The following TENM3 variants were observed in gnomAD, a reference collection of about 807,000 sequenced individuals.
TENM3 encodes teneurin-3.
TENM3 carries 63 observed loss-of-function variants against 255.1 expected under a neutral mutation model. The observed-to-expected ratio is 0.25, with a 90% CI of 0.20 to 0.30. The LOEUF (loss-of-function observed/expected upper bound fraction) is 0.30. Among genes scored for constraint, TENM3 ranks in the 10% least tolerant of loss-of-function variants. TENM3 has a pLI of 1.00. For missense variants in TENM3, 2,929 were observed against 3,461.1 expected, an observed-to-expected ratio of 0.85 and a Z score of 3.86; for synonymous variants, 1,306 against 1,322.3, an observed-to-expected ratio of 0.99 and a Z score of 0.27.
At chr4:181,616,367 AG>A in the TENM3 span, among the ~76,000 whole-genome samples, 3 of 139,528 alleles carry the variant, frequency 2.2e-5, no homozygotes, top group Non-Finnish European at 1.5e-5. Flanking sequence ...ATATATCAAT[AG>A]GATATATATA....
chr4:181,639,835 G>A, the TENM3 span, among the ~76,000 whole-genome samples: 1 of 152,100 alleles, frequency 6.6e-6, no homozygotes. Flanking sequence ...CTACTTCTCG[G>A]CCAAGGAGAT....
chr4:182,194,342 A>G (rs1753707129), intron 1 of TENM3, among the ~76,000 whole-genome samples: 1 of 152,188 alleles, frequency 6.6e-6, no homozygotes, highest in African/African-American at 2.4e-5. Context: ...GCTGATGTGT[A>G]CTGATGCACG....
chr4:182,081,351 C>T, the TENM3 span, among the ~76,000 whole-genome samples: 5 of 151,726 alleles, frequency 3.3e-5, no homozygotes, highest in Non-Finnish European at 7.4e-5. Flanking sequence ...TTTGGAAGGC[C>T]GAGGCGGGTG....
chr4:182,700,483 G>A lies in TENM3; in HGVS notation c.2221+12132G>A, dbSNP rs187768586. Among the ~76,000 whole-genome samples the A allele has an allele frequency of 1.0e-3, 153 of 152,244 alleles. 1 individual carries two copies. Among genetic ancestry groups the A allele is most frequent in the African/African-American group, 3.4e-3 (143 of 41,540 alleles). On this transcript the variant is annotated intron_variant, in intron 12 of 27. Transcript: ENST00000511685. ...GAAGCACAGCCTTCCAGCAGCCTTC[G>A]TATTTAACATATTCGCAGATTATGG... is the stretch of plus-strand genomic sequence containing the variant.
At chr4:181,809,078 C>T in the TENM3 span, among the ~76,000 whole-genome samples, 1 of 152,176 alleles carries the variant, frequency 6.6e-6, no homozygotes, top group Non-Finnish European at 1.5e-5. Flanking sequence ...AACATCTTGA[C>T]ATTTGAGTCT....
chr4:182,383,406 G>A (rs2150934147), intron 3 of TENM3, among the ~76,000 whole-genome samples: 1 of 152,268 alleles, frequency 6.6e-6, no homozygotes, highest in East Asian at 1.9e-4. Flanking sequence ...CCTGACTCAA[G>A]TGGAGTCAAG....
At chr4:182,523,133 T>C (rs780633036) in intron 3 of TENM3, among the ~76,000 whole-genome samples, 3 of 152,136 alleles carry the variant, frequency 2.0e-5, no homozygotes, top group Admixed American at 2.0e-4. Context: ...CATTTTTAAA[T>C]TGAATAATTT....
At chr4:181,557,588 G>T in the TENM3 span, among the ~76,000 whole-genome samples, 3 of 151,886 alleles carry the variant, frequency 2.0e-5, no homozygotes, top group Non-Finnish European at 2.9e-5. Context: ...GTGCAGTGAC[G>T]CAATCACAGC....
In TENM3 at chr4:182,570,119, A is replaced by G. The variant is rs922308361; in HGVS notation, c.512-30805A>G. On this transcript the variant is annotated intron_variant, in intron 3 of 27. Coordinates refer to ENST00000511685, the MANE Select transcript of TENM3 (RefSeq NM_001080477.4). ...GCTATTGCCGTAATCGAGGCAAAAG[A>G]TGATGAATGCCTGGACTCAGACAAT... Among the ~76,000 whole-genome samples the G allele has an allele frequency of 5.3e-5, 8 of 152,318 alleles. 1 individual carries two copies. In the South Asian group the frequency reaches 1.7e-3, roughly 32 times the overall value.
chr4:182,509,727 T>C (rs11132134), intron 3 of TENM3, among the ~76,000 whole-genome samples: 58,954 of 151,768 alleles, frequency 0.39, 11,688 homozygotes, highest in Admixed American at 0.43. Context: ...CACCTGAAGT[T>C]GGGAGTTCAA....
chr4:181,926,740 C>G, the TENM3 span, among the ~76,000 whole-genome samples: 4 of 151,746 alleles, frequency 2.6e-5, no homozygotes, highest in Non-Finnish European at 2.9e-5. Context: ...CAAATAGGAA[C>G]AGCTCCGGTC....
chr4:181,526,752 G>C, the TENM3 span, among the ~76,000 whole-genome samples: 12 of 152,144 alleles, frequency 7.9e-5, no homozygotes, highest in Non-Finnish European at 1.3e-4. Flanking sequence ...GACTATTAGA[G>C]AGAGAGCTGT....
the TENM3 span, chr4:182,085,060 C>T: frequency 4.6e-5 from 7 of 152,140 alleles, no homozygotes; most frequent in Non-Finnish European, 1.0e-4. Flanking sequence ...CATCTGAACG[C>T]TGTTTGCCAT....
chr4:182,731,928 A>C lies in TENM3; in HGVS notation c.2967+789A>C, dbSNP rs1049073935. ...TCCTGAGTAGCTGAGACTACAGGCG[A>C]CTGCCACCAAGCCAAGCTAATTTTT... is the stretch of plus-strand genomic sequence containing the variant. On this transcript the variant is annotated intron_variant, in intron 16 of 27. Transcript: ENST00000511685. 2.7e-4 allele frequency among the ~76,000 whole-genome samples: 41 copies of C among 151,748 alleles called. 1 individual carries two copies. The highest frequency in any genetic ancestry group is 4.6e-4 in the Admixed American group (7 of 15,244).
chr4:181,552,897 G>T, the TENM3 span, among the ~76,000 whole-genome samples: 3 of 152,166 alleles, frequency 2.0e-5, no homozygotes, highest in Admixed American at 2.0e-4. Flanking sequence ...ATGATTTAGG[G>T]AGTTCCATGT....
the TENM3 span, among the ~76,000 whole-genome samples, chr4:182,099,779 T>A: frequency 5.3e-5 from 8 of 152,052 alleles, no homozygotes; most frequent in Non-Finnish European, 5.9e-5. Context: ...AGAGAACAGA[T>A]GGGTGAACTT....
chr4:182,133,476 AATAAATAGAACTAATAC>A, the TENM3 span, among the ~76,000 whole-genome samples: 2 of 152,228 alleles, frequency 1.3e-5, no homozygotes, highest in Non-Finnish European at 2.9e-5. Context: ...AATTTCTGAT[AATAAATAGAACTAATAC>A]ATATTTAAAG....
At chr4:182,697,648 T>C (rs4862082) in intron 12 of TENM3, among the ~76,000 whole-genome samples, 71,477 of 151,642 alleles carry the variant, frequency 0.47, 17,332 homozygotes, top group East Asian at 0.79. Context: ...TGTCTGTTTC[T>C]TCCATTGAGA....
chr4:181,730,631 G>T, the TENM3 span, among the ~76,000 whole-genome samples: 1 of 152,124 alleles, frequency 6.6e-6, no homozygotes, highest in African/African-American at 2.4e-5. Context: ...ATAGACTTTT[G>T]TTGTTCTGTT....
Sources: allele counts gnomAD v4.1 joint callset (sites outside exome capture counted in the v4.1 genomes callset), GRCh38; gene constraint gnomAD v4.1.1; transcripts MANE v1.5; gene names NCBI Gene and HGNC (gene_info 2026-07-23, HGNC 2026-07-21).